The following OPRM1 variants were observed in gnomAD, a reference collection of about 807,000 sequenced individuals.
OPRM1 encodes opioid receptor mu 1, also known as mu-type opioid receptor.
OPRM1 carries 27 observed loss-of-function variants against 31.8 expected under a neutral mutation model. The observed-to-expected ratio is 0.85, with a 90% CI of 0.63 to 1.17. The LOEUF is 1.17. Among genes scored for constraint, OPRM1 ranks in the 50% most tolerant of loss-of-function variants. The probability of loss-of-function intolerance (pLI) is 0.00; values close to 1 mark genes in which losing one functional copy is unlikely to be tolerated. For missense variants in OPRM1, 536 were observed against 511.1 expected, an observed-to-expected ratio of 1.05 and a Z score of -0.47; for synonymous variants, 196 against 189.9, an observed-to-expected ratio of 1.03 and a Z score of -0.26.
intron 1 of OPRM1, among the ~76,000 whole-genome samples, chr6:154,041,209 A>C (rs1779986575): frequency 6.6e-6 from 1 of 152,182 alleles, no homozygotes; most frequent in South Asian, 2.1e-4. Context: ...AGTAAAGCTA[A>C]TTTCCCTGAT....
At chr6:154,163,839 AATAG>A (rs1042167272) in intron 3 of OPRM1, among the ~76,000 whole-genome samples, 11 of 152,206 alleles carry the variant, frequency 7.2e-5, no homozygotes, top group South Asian at 2.1e-4. Context: ...GATAGATATT[AATAG>A]ATAGATAGAT....
At chr6:154,068,178 A>G (rs1453431944) in intron 1 of OPRM1, among the ~76,000 whole-genome samples, 3 of 152,320 alleles carry the variant, frequency 2.0e-5, no homozygotes, top group African/African-American at 4.8e-5. Flanking sequence ...TGAAGTATAC[A>G]TGCATTCTGG....
rs118168749 is a variant in OPRM1, at chr6:154,146,539, T to C, written c.1164+55067T>C. On this transcript the variant is annotated intron_variant, in intron 3 of 3. Transcript: ENST00000337049. ...AATGGAGTACTTTGTGCATAACATA[T>C]AAAATCAGTATTGAAAATATGTTGT... Among the ~76,000 whole-genome samples, 885 of 152,350 alleles carry C rather than the reference T, an allele frequency of 5.8e-3. 2 individuals are homozygous for C. Among genetic ancestry groups the C allele is most frequent in the Non-Finnish European group, 7.5e-3 (508 of 68,038 alleles).
chr6:154,106,397 G>C (rs1435602332), intron 3 of OPRM1, among the ~76,000 whole-genome samples: 1 of 152,246 alleles, frequency 6.6e-6, no homozygotes, highest in Non-Finnish European at 1.5e-5. Context: ...GCAGATAAGA[G>C]CTGGCTCTCC....
intron 3 of OPRM1, among the ~76,000 whole-genome samples, chr6:154,100,931 T>TTA (rs1464346583): frequency 1.3e-5 from 2 of 148,296 alleles, no homozygotes; most frequent in African/African-American, 4.9e-5. Context: ...TATTTACATA[T>TTA]TATATATATA....
intron 1 of OPRM1, among the ~76,000 whole-genome samples, chr6:154,085,888 C>CTTTTTTTGTTT (rs1790424816): frequency 8.1e-6 from 1 of 123,974 alleles, no homozygotes; most frequent in African/African-American, 3.3e-5. Context: ...AAAGCTTGCC[C>CTTTTTTTGTTT]TTTTTTTTTT....
Position 154,108,138 on chromosome 6 carries a change from G to A in OPRM1, c.1165-10545G>A, listed in dbSNP as rs957950644. 5.3e-6 allele frequency: 3 copies of A among 564,912 alleles called. No individual in the cohort carries two copies. The East Asian group carries it at 8.9e-5, about 17-fold the overall frequency. The allele number at this position is 564,912 out of a possible 1,614,324, so 35.0% of individuals were successfully genotyped here. A position where few individuals can be genotyped will look rare whatever the true frequency, so the allele number is the denominator to read the frequency against. The stretch of plus-strand genomic sequence containing the variant: ...CCGGCTTGCGGCACCATCGCCTACG[G>A]GCCAAGCTGCATCATAAAGGAAATT... On this transcript the variant is annotated intron_variant, in intron 3 of 3. Coordinates refer to ENST00000330432, the MANE Select transcript of OPRM1 (RefSeq NM_000914.5).
chr6:154,243,036 A>T (rs1780725482), intron 3 of OPRM1, among the ~76,000 whole-genome samples: 1 of 152,234 alleles, frequency 6.6e-6, no homozygotes, highest in African/African-American at 2.4e-5. Flanking sequence ...GGAATTGGAT[A>T]GGAGAAAGAC....
At chr6:154,153,150 G>C (rs1798587392) in intron 3 of OPRM1, among the ~76,000 whole-genome samples, 1 of 152,132 alleles carries the variant, frequency 6.6e-6, no homozygotes. Flanking sequence ...GTGTGAAAAA[G>C]GACTTTCATG....
intron 3 of OPRM1, among the ~76,000 whole-genome samples, chr6:154,175,711 A>T (rs1800265692): frequency 6.6e-6 from 1 of 152,196 alleles, no homozygotes; most frequent in African/African-American, 2.4e-5. Context: ...ATCCAGGACC[A>T]GATGGATTCG....
At chr6:154,074,114 A>G (rs1787354095) in intron 1 of OPRM1, 1 of 152,236 alleles carries the variant, frequency 6.6e-6, no homozygotes, top group South Asian at 2.1e-4. Context: ...CAAGCAAAGC[A>G]TAGCAACCAA....
intron 3 of OPRM1, among the ~76,000 whole-genome samples, chr6:154,114,918 G>A (rs1189811417): frequency 6.6e-6 from 1 of 150,786 alleles, no homozygotes; most frequent in East Asian, 1.9e-4. Flanking sequence ...CCAAAGCCAA[G>A]TTGTGATCAG....
rs1468209479 is a variant in OPRM1 at position 154,132,332 on chromosome 6, A to T, written c.*13611A>T. On this transcript the variant is annotated 3_prime_UTR_variant, in exon 4 of 4. Coordinates refer to ENST00000330432, the MANE Select transcript of OPRM1 (RefSeq NM_000914.5). ...TATGTAATGTGTAATTATATGTGAT[A>T]AATAAAACCTAAAACTGATACAAAT... is the stretch of plus-strand genomic sequence containing the variant. Among the ~76,000 whole-genome samples the T allele has an allele frequency of 1.3e-5, 2 of 152,224 alleles. No homozygotes were observed.
Position 154,151,282 on chromosome 6 carries a change from G to T in OPRM1, c.1164+59810G>T, listed in dbSNP as rs1798493267. Reference sequence around the variant, plus strand: ...ATGCTTTCAGAAGGGAGTGAGGGAAGCAAGATAGGACAAGGGGGTGGGAGA... The same window carrying T: ...ATGCTTTCAGAAGGGAGTGAGGGAATCAAGATAGGACAAGGGGGTGGGAGA... On this transcript the variant is annotated intron_variant, in intron 3 of 3. Coordinates refer to the OPRM1 transcript ENST00000337049. Among the ~76,000 whole-genome samples the T allele has an allele frequency of 2.0e-5, 3 of 152,238 alleles. No homozygotes were observed. The South Asian group carries it at 6.2e-4, about 32-fold the overall frequency.
In OPRM1 at chr6:154,131,547, T is replaced by G. The variant is rs60404698; in HGVS notation, c.*12826T>G. Among the ~76,000 whole-genome samples the G allele has an allele frequency of 0.013, 2,041 of 152,316 alleles. 50 individuals carry two copies. Among genetic ancestry groups the G allele is most frequent in the African/African-American group, 0.044 (1,843 of 41,562 alleles). ...AGACCCCTGCTGCTCTGCACGTAGA[T>G]TCAGTTTGTATGCCAGGGTGACATT... On this transcript the variant is annotated 3_prime_UTR_variant, in exon 4 of 4. Coordinates refer to ENST00000330432, the MANE Select transcript of OPRM1 (RefSeq NM_000914.5).
In OPRM1 at chr6:154,120,204, C is replaced by A. The variant is rs903862668; in HGVS notation, c.*1483C>A. The stretch of plus-strand genomic sequence containing the variant: ...GAGCCTACAATTGTAAAATTGTAGA[C>A]TCCATTGTAAAATTTGTATTTTTTC... On this transcript the variant is annotated 3_prime_UTR_variant, in exon 4 of 4. Transcript: ENST00000330432. Among the ~76,000 whole-genome samples the A allele has an allele frequency of 4.6e-5, 7 of 152,076 alleles. No individual in the cohort carries two copies. The highest frequency in any genetic ancestry group is 1.7e-4 in the African/African-American group (7 of 41,398).
Position 154,124,262 on chromosome 6 carries a change from A to G in OPRM1, c.*5541A>G, listed in dbSNP as rs562179143. 2.0e-5 allele frequency among the ~76,000 whole-genome samples: 3 copies of G among 152,348 alleles called. No individual in the cohort carries two copies. The highest frequency in any genetic ancestry group is 6.5e-5 in the Admixed American group (1 of 15,300). ...TTTTTGAAAGCATCTTCTGACTCAAATATATGAAAAGATTATTCTAGACCT... is the reference window on the plus strand; with the variant it reads ...TTTTTGAAAGCATCTTCTGACTCAAGTATATGAAAAGATTATTCTAGACCT... On this transcript the variant is annotated 3_prime_UTR_variant, in exon 4 of 4. Coordinates refer to ENST00000330432, the MANE Select transcript of OPRM1 (RefSeq NM_000914.5).
chr6:154,102,152 TG>T (rs1209544719), intron 3 of OPRM1, among the ~76,000 whole-genome samples: 1 of 152,070 alleles, frequency 6.6e-6, no homozygotes, highest in East Asian at 1.9e-4. Context: ...GTTGCGAGCC[TG>T]GTCTTAAACT....
chr6:154,203,635 G>T (rs562253925), intron 3 of OPRM1, among the ~76,000 whole-genome samples: 41 of 152,196 alleles, frequency 2.7e-4, no homozygotes, highest in African/African-American at 9.2e-4. Context: ...GGTCTCCATG[G>T]GGTTCCTGGA....
Sources: allele counts gnomAD v4.1 joint callset (sites outside exome capture counted in the v4.1 genomes callset), GRCh38; gene constraint gnomAD v4.1.1; transcripts MANE v1.5; gene names NCBI Gene and HGNC (gene_info 2026-07-23, HGNC 2026-07-21).